SARM1: variants seen among roughly 807,000 people sequenced by gnomAD.
The protein encoded by SARM1 is sterile alpha and TIR motif containing 1, also known as NAD(+) hydrolase SARM1.
SARM1 carries 60 observed loss-of-function variants against 65.1 expected under a neutral mutation model. That is an observed-to-expected ratio of 0.92 (90% confidence interval 0.75 to 1.14). The LOEUF (loss-of-function observed/expected upper bound fraction) is 1.14. SARM1 is among the 50% of genes most tolerant of loss of function. The pLI is 0.00. For missense variants in SARM1, 913 were observed against 1,015.7 expected (o/e 0.90, Z 1.37); for synonymous variants, 417 against 465.4 (o/e 0.90, Z 1.34).
Position 28,402,216 on chromosome 17 carries a change from A to G in SARM1, c.*5930A>G. 1 of 1,604,608 alleles carries G rather than the reference A, an allele frequency of 6.2e-7. No individual in the cohort carries two copies. Among genetic ancestry groups the G allele is most frequent in the Non-Finnish European group, 8.5e-7 (1 of 1,174,136 alleles). On this transcript the variant is annotated 3_prime_UTR_variant, in exon 9 of 9. Coordinates refer to ENST00000585482, the MANE Select transcript of SARM1 (RefSeq NM_015077.4). ...CAGCACTGGACATGAGGAACCAGAC[A>G]CAGGTGGGTTCTGACACTCACCCTG... is the stretch of plus-strand genomic sequence containing the variant.
In SARM1 at chr17:28,395,779, G is replaced by A. The variant is rs1185480505; in HGVS notation, c.1924-126G>A. The A allele has an allele frequency of 5.5e-6, 5 of 913,226 alleles. No homozygotes were observed. In the East Asian group the frequency reaches 9.7e-5, roughly 18 times the overall value. 56.6% of individuals were successfully genotyped at this position (913,226 alleles called of 1,614,324 possible). On this transcript the variant is annotated intron_variant, in intron 7 of 8. Transcript: ENST00000585482. ...CAAGGGTTAAGGTAGACATCAAGGT[G>A]GACATCAGGACTGGTGTCCTGCCCT...
At position 28,381,541 on chromosome 17, in the gene SARM1, C is replaced by T; in HGVS notation, c.809C>T (p.Ala270Val). 6.3e-7 allele frequency: 1 copy of T among 1,582,182 alleles called. No homozygotes were observed. The highest frequency in any genetic ancestry group is 8.6e-7 in the Non-Finnish European group (1 of 1,165,522). ...GAGGACGAGCTGCTTCGGCTGCACG[C>T]CTGCCTCGCAGTAGCGGTGTTGGCG... ...SKEDELLRLH[A>V]CLAVAVLATN... The change falls in exon 2 of 9, where the codon GCC (alanine) becomes GTC (valine). Residue 270 changes from alanine to valine, a missense_variant. This residue lies in a region of SARM1 where 862 missense variants were observed against 952.1 expected (regional missense o/e 0.91). Coordinates refer to ENST00000585482, the MANE Select transcript of SARM1 (RefSeq NM_015077.4).
At position 28,392,607 on chromosome 17, in the gene SARM1, C is replaced by T. The variant is rs60971336; in HGVS notation, c.1924-3298C>T. ...CTGAAACAGCCTGGACTTGGACTCT[C>T]GAGGCTTGAGTCAGAGGACCGGCCC... On this transcript the variant is annotated intron_variant, in intron 7 of 8. Transcript: ENST00000585482. Among the ~76,000 whole-genome samples the T allele has an allele frequency of 3.6e-4, 55 of 152,284 alleles. 1 individual carries two copies. Among genetic ancestry groups the T allele is most frequent in the African/African-American group, 1.3e-3 (53 of 41,562 alleles).
intron 2 of SARM1, among the ~76,000 whole-genome samples, chr17:28,382,521 G>A (rs1486644739): frequency 6.6e-6 from 1 of 152,082 alleles, no homozygotes; most frequent in Non-Finnish European, 1.5e-5. Context: ...GAGTCCCAAG[G>A]GGTCCTCATG....
chr17:28,383,977 T>C (rs1401270409), intron 2 of SARM1, among the ~76,000 whole-genome samples: 6 of 152,170 alleles, frequency 3.9e-5, no homozygotes, highest in Non-Finnish European at 7.3e-5. Flanking sequence ...CCTTGGAATG[T>C]GTGCATGTGC....
chr17:28,381,323 G>T lies in SARM1; in HGVS notation c.591G>T (p.Glu197Asp). The change falls in exon 2 of 9, where the codon GAG (glutamate) becomes GAT (aspartate). Residue 197 changes from glutamate to aspartate, a missense_variant. Glu to Asp is a conservative substitution (Grantham distance 45). Coordinates refer to ENST00000585482, the MANE Select transcript of SARM1 (RefSeq NM_015077.4). ...AGCACATGTTCAAGCATTCGGAGGA[G>T]ACATGCCAGAGGCTGGTGGCGGCCG... ...ILEHMFKHSEETCQRLVAAGG... is the reference protein window; with the variant it reads ...ILEHMFKHSEDTCQRLVAAGG... The T allele has an allele frequency of 5.6e-6, 9 of 1,600,390 alleles. No homozygotes were observed. The highest frequency in any genetic ancestry group is 6.8e-6 in the Non-Finnish European group (8 of 1,174,336).
Position 28,399,746 on chromosome 17 carries a change from A to G in SARM1, c.*3460A>G. On this transcript the variant is annotated 3_prime_UTR_variant, in exon 9 of 9. Coordinates refer to ENST00000585482, the MANE Select transcript of SARM1 (RefSeq NM_015077.4). ...AGACCAGAGAGAGAGTTTGGATTTCATGTGGGGAACCCTCAAGGCCTGTCT... is the reference window on the plus strand; with the variant it reads ...AGACCAGAGAGAGAGTTTGGATTTCGTGTGGGGAACCCTCAAGGCCTGTCT... 1 of 1,612,474 alleles carries G rather than the reference A, an allele frequency of 6.2e-7. No homozygotes were observed. The highest frequency in any genetic ancestry group is 8.5e-7 in the Non-Finnish European group (1 of 1,178,600).
Position 28,385,003 on chromosome 17 carries a change from G to C in SARM1, c.1395-37G>C, listed in dbSNP as rs782190844. On this transcript the variant is annotated intron_variant, in intron 4 of 8. Coordinates refer to ENST00000585482, the MANE Select transcript of SARM1 (RefSeq NM_015077.4). This position sits in a 1 kb window ranked among gnomAD's most constrained non-coding sequence, Gnocchi z 4.5. ...CCCCCTCCGCCCACAGCCCGTCCGAGTCTGGACCTCAGCGTCTTCTCCTCC... is the reference window on the plus strand; with the variant it reads ...CCCCCTCCGCCCACAGCCCGTCCGACTCTGGACCTCAGCGTCTTCTCCTCC... 6.8e-6 allele frequency: 11 copies of C among 1,609,790 alleles called. No homozygotes were observed. The highest frequency in any genetic ancestry group is 7.6e-6 in the Non-Finnish European group (9 of 1,177,244).
chr17:28,379,366 A>G (rs1049699573), intron 1 of SARM1, among the ~76,000 whole-genome samples: 14 of 123,064 alleles, frequency 1.1e-4, no homozygotes, highest in African/African-American at 3.6e-4. Context: ...GCTGGAGTGC[A>G]GTGGTGCCAT....
intron 1 of SARM1, among the ~76,000 whole-genome samples, chr17:28,380,576 G>T (rs2269742): frequency 1.3e-5 from 2 of 152,164 alleles, no homozygotes; most frequent in Admixed American, 6.5e-5. Context: ...TAGTGCAGTG[G>T]CTGGCACAGG....
intron 1 of SARM1, among the ~76,000 whole-genome samples, chr17:28,375,474 T>C (rs2067983752): frequency 6.6e-6 from 1 of 151,856 alleles, no homozygotes; most frequent in African/African-American, 2.4e-5. Context: ...GACGTGTGCC[T>C]GTAATCCCAG....
rs2068022743 is a variant in SARM1 at position 28,381,368 on chromosome 17, G to A, written c.636G>A (p.Leu212=). The change falls in exon 2 of 9, where the codon CTG becomes CTA. Residue 212 remains leucine, a synonymous_variant. Transcript: ENST00000585482. The part of the protein sequence containing the change: ...LVAAGGLDAV[L]YWCRRTDPAL... ...CGGCCGGCGGCCTGGACGCGGTGCT[G>A]TATTGGTGCCGCCGCACGGACCCCG... The A allele has an allele frequency of 3.2e-6, 5 of 1,571,544 alleles. No homozygotes were observed. In the African/African-American group the frequency reaches 4.0e-5, roughly 13 times the overall value.
At chr17:28,380,900 TGAG>T (rs1480078867) in intron 1 of SARM1, among the ~76,000 whole-genome samples, 2 of 152,184 alleles carry the variant, frequency 1.3e-5, no homozygotes, top group African/African-American at 4.8e-5. Flanking sequence ...GAAAACGGGC[TGAG>T]AAGAAACCAG....
Position 28,372,780 on chromosome 17 carries a change from C to G in SARM1, c.470+278C>G, listed in dbSNP as rs2067966019. 6.6e-6 allele frequency among the ~76,000 whole-genome samples: 1 copy of G among 152,204 alleles called. No individual in the cohort carries two copies. Among genetic ancestry groups the G allele is most frequent in the Admixed American group, 6.5e-5 (1 of 15,284 alleles). On this transcript the variant is annotated intron_variant, in intron 1 of 8. Transcript: ENST00000585482. The surrounding 1 kb of genome is among the most constrained non-coding windows in gnomAD (Gnocchi z 5.2). ...ACAGGACAGGAGTCCGTCCCTGGCTCTATGGATGGAGATGGCATCCTATTG... is the reference window on the plus strand; with the variant it reads ...ACAGGACAGGAGTCCGTCCCTGGCTGTATGGATGGAGATGGCATCCTATTG...
intron 1 of SARM1, among the ~76,000 whole-genome samples, chr17:28,377,778 A>C (rs1597816418): frequency 6.6e-6 from 1 of 152,066 alleles, no homozygotes; most frequent in East Asian, 1.9e-4. Flanking sequence ...GCTCACTGCA[A>C]CCTCTGCCTC....
At position 28,399,794 on chromosome 17, in the gene SARM1, T is replaced by G. The variant is rs1016178605; in HGVS notation, c.*3508T>G. 4 of 1,460,618 alleles carry G rather than the reference T, an allele frequency of 2.7e-6. No individual in the cohort carries two copies. The African/African-American group carries it at 5.6e-5, about 20-fold the overall frequency. 90.5% of individuals were successfully genotyped at this position (1,460,618 alleles called of 1,614,324 possible). On this transcript the variant is annotated 3_prime_UTR_variant, in exon 9 of 9. Transcript: ENST00000585482. ...TCTGGAGAAGTGACACAGGATTTAC[T>G]GGGGTGGGCTGGTCCAGGTAGCTCT...
In SARM1 at chr17:28,372,424, G is replaced by A. The variant is rs1555584203; in HGVS notation, c.392G>A (p.Arg131Gln). ...GATGGCGGCCTCGACCTGCTGTTGC[G>A]GCTGCTGCAGGCGCCGGAGTTGGAG... ...RLDGGLDLLL[R>Q]LLQAPELETR... Residue 131 changes from arginine (R) to glutamine (Q), a missense_variant, in exon 1 of 9, where the codon CGG becomes CAG. By Grantham distance (43) the Arg-to-Gln change is conservative. This residue lies in a region of SARM1 where 862 missense variants were observed against 952.1 expected (regional missense o/e 0.91). Transcript: ENST00000585482. This position sits in a 1 kb window ranked among gnomAD's most constrained non-coding sequence, Gnocchi z 5.2. 2.6e-6 allele frequency: 4 copies of A among 1,529,922 alleles called. No homozygotes were observed. Among genetic ancestry groups the A allele is most frequent in the East Asian group, 2.5e-5 (1 of 40,236 alleles). The allele number at this position is 1,529,922 out of a possible 1,614,324, so 94.8% of individuals were successfully genotyped here. A position where few individuals can be genotyped will look rare whatever the true frequency, so the allele number is the denominator to read the frequency against.
chr17:28,382,314 G>C (rs2068028960), intron 2 of SARM1, among the ~76,000 whole-genome samples: 1 of 152,154 alleles, frequency 6.6e-6, no homozygotes, highest in Non-Finnish European at 1.5e-5. Flanking sequence ...AACTGGGTGA[G>C]AGACAAGTGG....
chr17:28,395,717 CT>C lies in SARM1; in HGVS notation c.1924-187del, dbSNP rs1454292838. 1.3e-5 allele frequency: 8 copies of C among 608,278 alleles called. No homozygotes were observed. In the African/African-American group the frequency reaches 1.5e-4, roughly 11 times the overall value. 37.7% of individuals were successfully genotyped at this position (608,278 alleles called of 1,614,324 possible). Reference sequence around the variant, plus strand: ...TTTTAGCAGCTCTGTGCCAGGAACTCTGGGCAAAGGAAAAATATTTATTTTT... The same window carrying C: ...TTTTAGCAGCTCTGTGCCAGGAACTCGGGCAAAGGAAAAATATTTATTTTT... On this transcript the variant is annotated intron_variant, in intron 7 of 8. Coordinates refer to ENST00000585482, the MANE Select transcript of SARM1 (RefSeq NM_015077.4).
Sources: gnomAD v4.1 joint callset for allele counts (sites outside exome capture counted in the v4.1 genomes callset) on GRCh38, gnomAD v4.1.1 for gene constraint, gnomAD v4.1.1 regional missense constraint, Gnocchi (gnomAD v3.1) non-coding constraint, MANE v1.5 for transcripts, NCBI Gene and HGNC (gene_info 2026-07-23, HGNC 2026-07-21) for gene names.